FOXN3: variants seen among roughly 807,000 people sequenced by gnomAD.
FOXN3 encodes the protein forkhead box protein N3.
A neutral mutation model predicts 38.4 loss-of-function variants in FOXN3; 7 were observed. The observed-to-expected ratio is 0.18, with a 90% CI of 0.10 to 0.34. The LOEUF (loss-of-function observed/expected upper bound fraction) is 0.34, where lower values mean the gene tolerates loss of function less well. Ranked by LOEUF, FOXN3 falls within the 10% of genes least tolerant of loss-of-function variation. The pLI is 1.00. For synonymous variants in FOXN3, 230 were observed against 242.2 expected (o/e 0.95, Z 0.47); for missense variants, 456 against 613.4 (o/e 0.74, Z 2.71).
At chr14:89,247,995 T>C (rs762253933) in intron 4 of FOXN3, among the ~76,000 whole-genome samples, 1 of 152,206 alleles carries the variant, frequency 6.6e-6, no homozygotes, top group Admixed American at 6.5e-5. Context: ...GGTGGCACAA[T>C]TGCACCTTCT....
In FOXN3 at chr14:89,293,755, G is replaced by C. The variant is rs1402742781; in HGVS notation, c.681-12741C>G. Among the ~76,000 whole-genome samples, 198 of 152,198 alleles carry C rather than the reference G, an allele frequency of 1.3e-3. 2 individuals are homozygous for C. The highest frequency in any genetic ancestry group is 4.9e-4 in the Non-Finnish European group (33 of 68,024). ...CAACATATGAATGGAGCGGCGGTTG[G>C]GGGTAGGGGGAGAGAAGCACAATTC... On this transcript the variant is annotated intron_variant, in intron 3 of 5. Coordinates refer to ENST00000557258, the MANE Select transcript of FOXN3 (RefSeq NM_005197.4).
chr14:89,503,189 A>G (rs1893839013), intron 1 of FOXN3, among the ~76,000 whole-genome samples: 1 of 152,046 alleles, frequency 6.6e-6, no homozygotes, highest in Non-Finnish European at 1.5e-5. Context: ...AGACTCCATG[A>G]CCCATTTTCC....
chr14:89,196,937 A>G (rs1192457014), intron 4 of FOXN3, among the ~76,000 whole-genome samples: 1 of 152,216 alleles, frequency 6.6e-6, no homozygotes, highest in Non-Finnish European at 1.5e-5. Context: ...CACTGCCTTC[A>G]GCACCTCTGA....
chr14:89,192,064 C>G (rs746990482), intron 4 of FOXN3, among the ~76,000 whole-genome samples: 37 of 144,498 alleles, frequency 2.6e-4, no homozygotes, highest in Admixed American at 9.1e-4. Context: ...AATATACATA[C>G]TATATTAGCT....
intron 4 of FOXN3, among the ~76,000 whole-genome samples, chr14:89,218,616 C>CA (rs1253801511): frequency 6.6e-6 from 1 of 152,226 alleles, no homozygotes; most frequent in Non-Finnish European, 1.5e-5. Flanking sequence ...CATGCCTTTT[C>CA]ATTGCTGAAA....
intron 1 of FOXN3, among the ~76,000 whole-genome samples, chr14:89,563,429 G>T (rs144718460): frequency 3.3e-5 from 5 of 152,326 alleles, no homozygotes; most frequent in Non-Finnish European, 7.3e-5. Context: ...CATGATGGAA[G>T]ACAGGTCTTG....
intron 1 of FOXN3, among the ~76,000 whole-genome samples, chr14:89,597,445 G>C (rs1896079934): frequency 6.6e-6 from 1 of 152,092 alleles, no homozygotes; most frequent in Admixed American, 6.5e-5. Context: ...TGTATTTGTT[G>C]AGTGCAATGT....
At chr14:89,555,299 A>G (rs539565168) in intron 1 of FOXN3, among the ~76,000 whole-genome samples, 1 of 152,200 alleles carries the variant, frequency 6.6e-6, no homozygotes, top group Non-Finnish European at 1.5e-5. Context: ...TTCAGTTGCA[A>G]TTAATATGAT....
At position 89,156,434 on chromosome 14, in the gene FOXN3, A is replaced by G. The variant is rs1886981385; in HGVS notation, c.*5980T>C. On this transcript the variant is annotated 3_prime_UTR_variant, in exon 6 of 6. Coordinates refer to ENST00000557258, the MANE Select transcript of FOXN3 (RefSeq NM_005197.4). ...TAGGTTTACATGAACATAACAGAAC[A>G]TCACGTTCTTTCTCCTTTATGGTTC... 1 of 152,672 alleles carries G rather than the reference A, an allele frequency of 6.5e-6. No individual in the cohort carries two copies. Among genetic ancestry groups the G allele is most frequent in the Admixed American group, 6.5e-5 (1 of 15,286 alleles). The allele number at this position is 152,672 out of a possible 1,614,324, so 9.5% of individuals were successfully genotyped here. A position where few individuals can be genotyped will look rare whatever the true frequency, so the allele number is the denominator to read the frequency against.
chr14:89,441,668 A>G (rs1452214577), intron 1 of FOXN3, among the ~76,000 whole-genome samples: 1 of 152,226 alleles, frequency 6.6e-6, no homozygotes, highest in Non-Finnish European at 1.5e-5. Context: ...TCCCCAAGAA[A>G]GAGACAGAAA....
At chr14:89,414,001 GATGA>G (rs1891623665) in intron 1 of FOXN3, among the ~76,000 whole-genome samples, 1 of 150,596 alleles carries the variant, frequency 6.6e-6, no homozygotes, top group African/African-American at 2.5e-5. Flanking sequence ...AAGGAGGAGG[GATGA>G]ATGAACATAT....
chr14:89,576,378 G>C (rs772798518), intron 1 of FOXN3: 6 of 152,128 alleles, frequency 3.9e-5, no homozygotes, highest in Non-Finnish European at 8.8e-5. Flanking sequence ...AAATTAATGA[G>C]AGAATGGGCC....
At chr14:89,459,574 T>C (rs534345241) in intron 1 of FOXN3, among the ~76,000 whole-genome samples, 2 of 152,256 alleles carry the variant, frequency 1.3e-5, no homozygotes, top group South Asian at 2.1e-4. Flanking sequence ...TAGGCAGCTA[T>C]GGAAAGCAAA....
At chr14:89,249,094 G>A (rs1446832418) in intron 4 of FOXN3, among the ~76,000 whole-genome samples, 1 of 152,170 alleles carries the variant, frequency 6.6e-6, no homozygotes, top group Non-Finnish European at 1.5e-5. Context: ...TTATAAACAA[G>A]GTATAAAATA....
At chr14:89,470,925 C>G (rs1046924187) in intron 1 of FOXN3, among the ~76,000 whole-genome samples, 13 of 152,158 alleles carry the variant, frequency 8.5e-5, no homozygotes, top group Admixed American at 2.0e-4. Flanking sequence ...TCCAAGCCAA[C>G]TGGGCTTGGT....
At chr14:89,458,908 A>G (rs947113405) in intron 1 of FOXN3, among the ~76,000 whole-genome samples, 42 of 152,232 alleles carry the variant, frequency 2.8e-4, no homozygotes, top group Admixed American at 2.6e-3. Context: ...GTCAAAGTCG[A>G]TATTTGCTAA....
chr14:89,179,698 A>T (rs374142098), intron 5 of FOXN3, among the ~76,000 whole-genome samples: 2 of 152,190 alleles, frequency 1.3e-5, no homozygotes, highest in Non-Finnish European at 2.9e-5. Flanking sequence ...GGGCTAAAGC[A>T]TGGGGCTAAT....
intron 3 of FOXN3, chr14:89,284,571 C>T (rs1886559411): frequency 2.2e-6 from 1 of 455,936 alleles, no homozygotes. Flanking sequence ...CTCTCCAAGG[C>T]AAAGTCCCAG....
Position 89,163,044 on chromosome 14 carries a change from C to G in FOXN3, c.852-75G>C. 7.4e-7 allele frequency: 1 copy of G among 1,345,698 alleles called. No individual in the cohort carries two copies. Among genetic ancestry groups the G allele is most frequent in the Non-Finnish European group, 9.8e-7 (1 of 1,018,476 alleles). The allele number at this position is 1,345,698 out of a possible 1,614,324, so 83.4% of individuals were successfully genotyped here. ...GTTAGACGTCCTCAGATGGGGGCAC[C>G]CGGCAGCCCGCCTGCATTCAACCAT... On this transcript the variant is annotated intron_variant, in intron 5 of 5. Transcript: ENST00000557258. This position sits in a 1 kb window ranked among gnomAD's most constrained non-coding sequence, Gnocchi z 4.3.
Sources: allele counts gnomAD v4.1 joint callset (sites outside exome capture counted in the v4.1 genomes callset), GRCh38; gene constraint gnomAD v4.1.1; non-coding constraint Gnocchi (gnomAD v3.1); transcripts MANE v1.5; gene names NCBI Gene and HGNC (gene_info 2026-07-23, HGNC 2026-07-21).